The following PAPPA variants were observed in gnomAD, a reference collection of about 807,000 sequenced individuals.
PAPPA encodes pappalysin-1.
PAPPA carries 60 observed loss-of-function variants against 164.0 expected under a neutral mutation model. That is an observed-to-expected ratio of 0.37 (90% CI 0.30 to 0.45). The LOEUF (loss-of-function observed/expected upper bound fraction) is 0.45. Among genes scored for constraint, PAPPA ranks in the 20% least tolerant of loss-of-function variants. The pLI is 1.00. For synonymous variants in PAPPA, 875 were observed against 814.1 expected, an observed-to-expected ratio of 1.07 and a Z score of -1.27; for missense variants, 1,782 against 2,087.3, an observed-to-expected ratio of 0.85 and a Z score of 2.85.
At chr9:116,373,075 C>T (rs2118669374) in intron 19 of PAPPA, 1 of 152,254 alleles carries the variant, frequency 6.6e-6, no homozygotes, top group East Asian at 1.9e-4. Context: ...TTGTGGAAAG[C>T]CCTGCCGAGT....
intron 7 of PAPPA, among the ~76,000 whole-genome samples, chr9:116,242,216 A>T (rs1844744685): frequency 6.6e-6 from 1 of 152,066 alleles, no homozygotes. Context: ...TGTCTAACTG[A>T]GCTTGAATAG....
chr9:116,295,580 A>G (rs1473123081), intron 9 of PAPPA, among the ~76,000 whole-genome samples: 1 of 151,866 alleles, frequency 6.6e-6, no homozygotes, highest in Non-Finnish European at 1.5e-5. Flanking sequence ...AGAAAAGAAA[A>G]GAAAAATTTC....
intron 2 of PAPPA, among the ~76,000 whole-genome samples, chr9:116,196,421 C>T (rs1189960777): frequency 1.3e-5 from 2 of 152,230 alleles, no homozygotes; most frequent in Non-Finnish European, 2.9e-5. Context: ...CTCATGACAG[C>T]CTCTGCACTT....
In PAPPA at chr9:116,187,093, C is replaced by G; in HGVS notation, c.416-61C>G. On this transcript the variant is annotated intron_variant, in intron 1 of 21. Coordinates refer to ENST00000328252, the MANE Select transcript of PAPPA (RefSeq NM_002581.5). This position sits in a 1 kb window ranked among gnomAD's most constrained non-coding sequence, Gnocchi z 4.2. ...TACAAATTTTATTAGAGAAAAATAA[C>G]TTAACCCCCCCTCCTTTTCCATCCT... 8.1e-7 allele frequency: 1 copy of G among 1,229,236 alleles called. No individual in the cohort carries two copies. The highest frequency in any genetic ancestry group is 1.2e-6 in the Non-Finnish European group (1 of 852,716). The allele number at this position is 1,229,236 out of a possible 1,614,324, so 76.1% of individuals were successfully genotyped here. A position where few individuals can be genotyped will look rare whatever the true frequency, so the allele number is the denominator to read the frequency against.
intron 17 of PAPPA, among the ~76,000 whole-genome samples, chr9:116,360,417 C>A (rs1355930923): frequency 6.6e-6 from 1 of 152,172 alleles, no homozygotes; most frequent in African/African-American, 2.4e-5. Context: ...GTTTCCATTG[C>A]AATTGTACCC....
At chr9:116,220,449 G>A (rs1002412827) in intron 5 of PAPPA, among the ~76,000 whole-genome samples, 17 of 150,264 alleles carry the variant, frequency 1.1e-4, no homozygotes, top group African/African-American at 4.1e-4. Flanking sequence ...GAGCTCAGGA[G>A]TTGTGATTGC....
intron 7 of PAPPA, among the ~76,000 whole-genome samples, chr9:116,238,636 G>A (rs941787577): frequency 1.4e-4 from 22 of 152,254 alleles, no homozygotes; most frequent in African/African-American, 4.8e-4. Context: ...TGCACAATTT[G>A]TTCTTTCATT....
intron 10 of PAPPA, among the ~76,000 whole-genome samples, chr9:116,319,621 A>G (rs1001531792): frequency 2.0e-5 from 3 of 152,268 alleles, no homozygotes; most frequent in Admixed American, 6.5e-5. Context: ...TATCATCCTC[A>G]CCGTTATTGT....
intron 1 of PAPPA, among the ~76,000 whole-genome samples, chr9:116,182,061 A>G (rs1360931669): frequency 6.6e-6 from 1 of 152,184 alleles, no homozygotes; most frequent in Non-Finnish European, 1.5e-5. Context: ...CATGACTAAG[A>G]GCCTGGGTGT....
chr9:116,335,833 C>A (rs1243928812), intron 13 of PAPPA, among the ~76,000 whole-genome samples: 1 of 152,216 alleles, frequency 6.6e-6, no homozygotes, highest in East Asian at 1.9e-4. Context: ...CAGATGAAAT[C>A]TACTCCACAG....
At chr9:116,261,427 T>C (rs1844999568) in intron 7 of PAPPA, among the ~76,000 whole-genome samples, 2 of 152,148 alleles carry the variant, frequency 1.3e-5, no homozygotes, top group South Asian at 2.1e-4. Flanking sequence ...CTTCCTCCTA[T>C]ATGACTTTTT....
rs1846430936 is a variant in PAPPA at position 116,361,844 on chromosome 9, T to C, written c.4348-748T>C. ...TAACGAATCTTACTTGAATTAGCTT[T>C]CTGAAATTCGGAGGTTGGAAGGGGA... On this transcript the variant is annotated intron_variant, in intron 17 of 21. Coordinates refer to ENST00000328252, the MANE Select transcript of PAPPA (RefSeq NM_002581.5). Among the ~76,000 whole-genome samples, 3 of 152,190 alleles carry C rather than the reference T, an allele frequency of 2.0e-5. No individual in the cohort carries two copies. The South Asian group carries it at 6.2e-4, about 32-fold the overall frequency.
Position 116,234,312 on chromosome 9 carries a change from CT to C in PAPPA, c.2234-826del, listed in dbSNP as rs1420350033. On this transcript the variant is annotated intron_variant, in intron 6 of 21. Coordinates refer to ENST00000328252, the MANE Select transcript of PAPPA (RefSeq NM_002581.5). ...AAGAAACCCTCCTTCCTTCTCCCCG[CT>C]CCTCACCCAACCCTCCCCTTCCTGA... 2.0e-5 allele frequency among the ~76,000 whole-genome samples: 3 copies of C among 152,116 alleles called. No homozygotes were observed. The East Asian group carries it at 5.8e-4, about 29-fold the overall frequency.
chr9:116,210,838 G>C (rs1377589577), intron 3 of PAPPA, among the ~76,000 whole-genome samples: 1 of 152,176 alleles, frequency 6.6e-6, no homozygotes, highest in Non-Finnish European at 1.5e-5. Context: ...CTCAGGTGAT[G>C]ATCATGCTGC....
chr9:116,361,529 A>G (rs1234878223), intron 17 of PAPPA, among the ~76,000 whole-genome samples: 4 of 152,170 alleles, frequency 2.6e-5, no homozygotes, highest in African/African-American at 9.7e-5. Flanking sequence ...ACGCCCTTCC[A>G]TCTTCCAGGA....
At chr9:116,216,649 T>C (rs1325860253) in intron 4 of PAPPA, among the ~76,000 whole-genome samples, 1 of 152,228 alleles carries the variant, frequency 6.6e-6, no homozygotes, top group East Asian at 1.9e-4. Flanking sequence ...TCTTTTGTGA[T>C]AGATGAAAAC....
At chr9:116,179,613 A>C (rs569665099) in intron 1 of PAPPA, among the ~76,000 whole-genome samples, 1 of 152,328 alleles carries the variant, frequency 6.6e-6, no homozygotes, top group South Asian at 2.1e-4. Flanking sequence ...GCTGAGGAGC[A>C]GTCCCCCAGG....
chr9:116,213,557 C>A lies in PAPPA; in HGVS notation c.1918+1625C>A, dbSNP rs114280014. ...AAGTTCCATTTCTATAGCACCTTTT[C>A]TTGGCCAGCTCAACACACATGGAAA... is the stretch of plus-strand genomic sequence containing the variant. On this transcript the variant is annotated intron_variant, in intron 4 of 21. Transcript: ENST00000328252. 4.1e-3 allele frequency among the ~76,000 whole-genome samples: 620 copies of A among 152,282 alleles called. 7 individuals carry two copies. Among genetic ancestry groups the A allele is most frequent in the African/African-American group, 0.014 (578 of 41,564 alleles).
chr9:116,211,517 C>T, intron 3 of PAPPA, 122 bp from the exon 4 acceptor site: 1 of 775,896 alleles, frequency 1.3e-6, no homozygotes, highest in Non-Finnish European at 2.1e-6. Flanking sequence ...CAATGGAGTC[C>T]TAGGGTGGAG....
Sources: gnomAD v4.1 joint callset for allele counts (sites outside exome capture counted in the v4.1 genomes callset) on GRCh38, gnomAD v4.1.1 for gene constraint, Gnocchi (gnomAD v3.1) non-coding constraint, MANE v1.5 for transcripts, NCBI Gene and HGNC (gene_info 2026-07-23, HGNC 2026-07-21) for gene names.